Variants in PTPRM observed in about 807,000 individuals in gnomAD.
The protein encoded by PTPRM is receptor-type tyrosine-protein phosphatase mu.
Under a neutral mutation model 186.7 loss-of-function variants are expected in PTPRM, and 47 were observed. That is an observed-to-expected ratio of 0.25 (90% CI 0.20 to 0.32). The LOEUF (loss-of-function observed/expected upper bound fraction) is 0.32, where lower values mean the gene tolerates loss of function less well. Ranked by LOEUF, PTPRM falls within the 10% of genes least tolerant of loss-of-function variation. The probability of loss-of-function intolerance (pLI) is 1.00; values close to 1 mark genes in which losing one functional copy is unlikely to be tolerated. For synonymous variants in PTPRM, 668 were observed against 674.9 expected, an observed-to-expected ratio of 0.99 and a Z score of 0.16; for missense variants, 1,494 against 1,865.0, an observed-to-expected ratio of 0.80 and a Z score of 3.66.
At chr18:7,577,774 G>A (rs1008008774) in intron 1 of PTPRM, among the ~76,000 whole-genome samples, 1 of 152,196 alleles carries the variant, frequency 6.6e-6, no homozygotes, top group Middle Eastern at 3.2e-3. Flanking sequence ...TGTTCTGTGT[G>A]TGTGTGTGTG....
chr18:7,592,804 G>A (rs1340360911), intron 1 of PTPRM, among the ~76,000 whole-genome samples: 1 of 152,222 alleles, frequency 6.6e-6, no homozygotes, highest in Non-Finnish European at 1.5e-5. Context: ...AGGCAGGTGT[G>A]TGTGTGCACA....
chr18:8,073,727 A>G (rs1403392678), intron 8 of PTPRM, among the ~76,000 whole-genome samples: 1 of 152,146 alleles, frequency 6.6e-6, no homozygotes, highest in Non-Finnish European at 1.5e-5. Flanking sequence ...AAACATAGTG[A>G]GACCCTATCA....
intron 1 of PTPRM, among the ~76,000 whole-genome samples, chr18:7,704,947 G>A (rs1598404562): frequency 1.3e-5 from 2 of 152,064 alleles, no homozygotes; most frequent in South Asian, 2.1e-4. Context: ...TTAAAATTAT[G>A]TGAGGCCTTT....
chr18:7,586,488 C>A (rs1321367573), intron 1 of PTPRM, among the ~76,000 whole-genome samples: 2 of 151,926 alleles, frequency 1.3e-5, no homozygotes, highest in Admixed American at 6.6e-5. Context: ...TAATATAAAC[C>A]AGCCAAACTG....
intron 2 of PTPRM, among the ~76,000 whole-genome samples, chr18:7,845,927 G>A (rs2046572073): frequency 6.6e-6 from 1 of 152,078 alleles, no homozygotes; most frequent in African/African-American, 2.4e-5. Flanking sequence ...GCCCAATCCT[G>A]TAATACAGGC....
chr18:8,389,235 C>T (rs1474596295), intron 31 of PTPRM, among the ~76,000 whole-genome samples: 4 of 152,092 alleles, frequency 2.6e-5, no homozygotes, highest in South Asian at 2.1e-4. Context: ...TATAATGCAT[C>T]GCTCCCCCCG....
At chr18:7,761,173 T>G (rs1054431680) in intron 1 of PTPRM, among the ~76,000 whole-genome samples, 4 of 152,158 alleles carry the variant, frequency 2.6e-5, no homozygotes, top group Admixed American at 2.0e-4. Flanking sequence ...TCATCACAGT[T>G]TTTTGTGCTA....
In PTPRM at chr18:7,949,113, G is replaced by A; in HGVS notation, c.664-68G>A. 2.1e-6 allele frequency: 3 copies of A among 1,400,652 alleles called. No homozygotes were observed. The South Asian group carries it at 4.0e-5, about 19-fold the overall frequency. 86.8% of individuals were successfully genotyped at this position (1,400,652 alleles called of 1,614,324 possible). The stretch of plus-strand genomic sequence containing the variant: ...AACAGCATGGATAATATACCATTGG[G>A]TGTCTGACTGTTTTGCTCTGACAGC... On this transcript the variant is annotated intron_variant, in intron 5 of 32. Coordinates refer to ENST00000580170, the MANE Select transcript of PTPRM (RefSeq NM_001105244.2).
chr18:8,333,351 C>T (rs2095421822), intron 22 of PTPRM, among the ~76,000 whole-genome samples: 1 of 152,176 alleles, frequency 6.6e-6, no homozygotes, highest in Non-Finnish European at 1.5e-5. Flanking sequence ...TATTCTGTGT[C>T]ACTGTTACCA....
intron 13 of PTPRM, among the ~76,000 whole-genome samples, chr18:8,131,786 C>A (rs1459688822): frequency 1.3e-5 from 2 of 152,156 alleles, no homozygotes; most frequent in Non-Finnish European, 2.9e-5. Context: ...AGGGCTTAGC[C>A]ACGAATTTTC....
chr18:7,923,921 A>C (rs965588928), intron 4 of PTPRM, among the ~76,000 whole-genome samples: 1 of 152,256 alleles, frequency 6.6e-6, no homozygotes, highest in Non-Finnish European at 1.5e-5. Context: ...AGTTCCTTCA[A>C]AAAAAGAAAG....
At chr18:7,895,466 C>G (rs548437121) in intron 3 of PTPRM, among the ~76,000 whole-genome samples, 2 of 152,182 alleles carry the variant, frequency 1.3e-5, no homozygotes, top group African/African-American at 4.8e-5. Context: ...GAACCAAGTT[C>G]CCTTCTGTCA....
At chr18:8,002,577 C>T (rs2083935144) in intron 7 of PTPRM, among the ~76,000 whole-genome samples, 1 of 152,204 alleles carries the variant, frequency 6.6e-6, no homozygotes. Context: ...GCGTATTCTC[C>T]TGTGTCCGTG....
At chr18:8,286,043 A>T (rs2094953361) in intron 19 of PTPRM, among the ~76,000 whole-genome samples, 1 of 152,196 alleles carries the variant, frequency 6.6e-6, no homozygotes, top group South Asian at 2.1e-4. Context: ...TTGCATATAC[A>T]CGAGTTAAAT....
At chr18:7,694,447 G>A (rs35866256) in intron 1 of PTPRM, among the ~76,000 whole-genome samples, 45,861 of 128,734 alleles carry the variant, frequency 0.36, 8,610 homozygotes, top group East Asian at 0.52. Flanking sequence ...TTTTTTTTTC[G>A]ACAGAGTCTC....
At chr18:8,047,313 G>A (rs746801908) in intron 7 of PTPRM, among the ~76,000 whole-genome samples, 1 of 152,008 alleles carries the variant, frequency 6.6e-6, no homozygotes, top group Non-Finnish European at 1.5e-5. Context: ...AAAAATTTTT[G>A]TGGCAAATAA....
chr18:7,867,375 TC>T (rs1332366594), intron 2 of PTPRM, among the ~76,000 whole-genome samples: 1 of 152,334 alleles, frequency 6.6e-6, no homozygotes, highest in Middle Eastern at 3.4e-3. Flanking sequence ...CTTGAGGAGT[TC>T]TTGTATTGCA....
chr18:7,625,100 C>T (rs955617879), intron 1 of PTPRM, among the ~76,000 whole-genome samples: 15 of 152,056 alleles, frequency 9.9e-5, no homozygotes, highest in African/African-American at 2.9e-4. Context: ...GGTCAGGGAG[C>T]GTATATATTT....
At chr18:8,190,941 A>C (rs2093701980) in intron 14 of PTPRM, among the ~76,000 whole-genome samples, 1 of 152,236 alleles carries the variant, frequency 6.6e-6, no homozygotes, top group Non-Finnish European at 1.5e-5. Context: ...ATACCTTAGC[A>C]GTTACAGACT....
Sources: gnomAD v4.1 joint callset for allele counts (sites outside exome capture counted in the v4.1 genomes callset) on GRCh38, gnomAD v4.1.1 for gene constraint, MANE v1.5 for transcripts, NCBI Gene and HGNC (gene_info 2026-07-23, HGNC 2026-07-21) for gene names.